The following RYR3 variants were observed in gnomAD, a reference collection of about 807,000 sequenced individuals.
The protein encoded by RYR3 is ryanodine receptor 3, also known as brain ryanodine receptor-calcium release channel.
In RYR3, 207 loss-of-function variants were observed where a neutral mutation model predicts 584.3. That is an observed-to-expected ratio of 0.35 (90% CI 0.32 to 0.40). The LOEUF is 0.40. Ranked by LOEUF, RYR3 falls within the 10% of genes least tolerant of loss-of-function variation. The pLI, the probability that RYR3 is intolerant of heterozygous loss-of-function variation, is 1.00. For missense variants in RYR3, 5,616 were observed against 6,089.2 expected, an observed-to-expected ratio of 0.92 and a Z score of 2.59; for synonymous variants, 2,416 against 2,248.5, an observed-to-expected ratio of 1.07 and a Z score of -2.11.
chr15:33,629,206 T>C (rs548916942), intron 21 of RYR3, among the ~76,000 whole-genome samples: 6 of 152,356 alleles, frequency 3.9e-5, no homozygotes, highest in Admixed American at 2.0e-4. Flanking sequence ...TCAGGGTCTG[T>C]CGTGTAGTAC....
intron 1 of RYR3, among the ~76,000 whole-genome samples, chr15:33,410,327 G>A (rs2043313648): frequency 6.6e-6 from 1 of 152,156 alleles, no homozygotes; most frequent in East Asian, 1.9e-4. Context: ...GCAGGCCCAA[G>A]GCTCCTTAAT....
intron 52 of RYR3, among the ~76,000 whole-genome samples, chr15:33,745,339 C>T (rs1201538510): frequency 5.3e-5 from 8 of 151,710 alleles, no homozygotes; most frequent in African/African-American, 1.5e-4. Flanking sequence ...AGCCTCTTCT[C>T]GGTGGTAACT....
intron 1 of RYR3, among the ~76,000 whole-genome samples, chr15:33,388,720 T>G (rs946520695): frequency 9.2e-5 from 14 of 152,232 alleles, no homozygotes; most frequent in African/African-American, 3.4e-4. Context: ...CTTTTAGAAT[T>G]CACCTATAGA....
chr15:33,722,942 C>G (rs2068057854), intron 44 of RYR3, 47 bp downstream of exon 44: 1 of 1,471,708 alleles, frequency 6.8e-7, no homozygotes, highest in African/African-American at 1.4e-5. Flanking sequence ...TTGGTGAGCT[C>G]TCAGATATTA....
chr15:33,769,811 T>G (rs1268321908), intron 62 of RYR3, among the ~76,000 whole-genome samples: 3 of 151,762 alleles, frequency 2.0e-5, no homozygotes, highest in African/African-American at 2.4e-5. Context: ...TAGCCAGGCA[T>G]GGTGGTGCAT....
chr15:33,342,797 C>A (rs1242220409), intron 1 of RYR3, among the ~76,000 whole-genome samples: 3 of 152,122 alleles, frequency 2.0e-5, no homozygotes, highest in Admixed American at 6.6e-5. Flanking sequence ...ATCTCAAAAC[C>A]ATTTCCAAAA....
intron 50 of RYR3, among the ~76,000 whole-genome samples, chr15:33,739,324 C>T (rs1228586909): frequency 6.6e-6 from 1 of 152,174 alleles, no homozygotes. Context: ...CTTCCCAACC[C>T]CATGCCATTT....
chr15:33,567,953 C>G (rs532160940), intron 12 of RYR3, among the ~76,000 whole-genome samples: 1 of 152,262 alleles, frequency 6.6e-6, no homozygotes, highest in African/African-American at 2.4e-5. Flanking sequence ...ACATCTTAAA[C>G]CAATTGCATC....
chr15:33,748,628 A>C (rs929035999), intron 55 of RYR3, 98 bp downstream of exon 55: 4 of 1,000,214 alleles, frequency 4.0e-6, no homozygotes, highest in Non-Finnish European at 6.1e-6. Flanking sequence ...TGCCTAGAAC[A>C]TATCACCACT....
chr15:33,775,043 A>C (rs927566061), intron 64 of RYR3, among the ~76,000 whole-genome samples: 1 of 152,024 alleles, frequency 6.6e-6, no homozygotes, highest in African/African-American at 2.4e-5. Flanking sequence ...AAAAAAAAAA[A>C]AGTCAAAAAG....
chr15:33,636,599 A>G, intron 27 of RYR3, 49 bp downstream of exon 27: 1 of 1,503,280 alleles, frequency 6.7e-7, no homozygotes, highest in Non-Finnish European at 8.9e-7. Flanking sequence ...GCTGGAGGAA[A>G]ATATAGGGAG....
intron 1 of RYR3, among the ~76,000 whole-genome samples, chr15:33,470,401 G>C (rs997876801): frequency 1.3e-5 from 2 of 151,816 alleles, no homozygotes; most frequent in African/African-American, 4.8e-5. Flanking sequence ...CTGAAAATAA[G>C]TTACCAGGAA....
chr15:33,721,141 G>A (rs916407954), intron 43 of RYR3, among the ~76,000 whole-genome samples: 1 of 152,196 alleles, frequency 6.6e-6, no homozygotes, highest in Admixed American at 6.5e-5. Context: ...TTCTGGATAA[G>A]TTGTTCTGTG....
chr15:33,665,244 C>T (rs1283264192), intron 36 of RYR3, among the ~76,000 whole-genome samples: 1 of 152,190 alleles, frequency 6.6e-6, no homozygotes, highest in African/African-American at 2.4e-5. Flanking sequence ...ACTGGCTCCC[C>T]CATTGCTCGC....
rs182158633 is a variant in RYR3 at position 33,586,677 on chromosome 15, C to T, written c.1788+561C>T. Among the ~76,000 whole-genome samples, 3 of 152,282 alleles carry T rather than the reference C, an allele frequency of 2.0e-5. No homozygotes were observed. The East Asian group carries it at 5.8e-4, about 29-fold the overall frequency. On this transcript the variant is annotated intron_variant, in intron 16 of 103. Transcript: ENST00000634891. ...ATATGAGCTGGGGCCTCAGTTATGT[C>T]ATCTGTAAAATGGTGACAAGGGCAT...
intron 86 of RYR3, among the ~76,000 whole-genome samples, chr15:33,834,325 G>C (rs145919670): frequency 0.084 from 5,921 of 70,316 alleles, 146 homozygotes; most frequent in East Asian, 0.13. Context: ...CACACACACA[G>C]TGAGATTAAC....
chr15:33,567,376 T>C (rs1266562777), intron 12 of RYR3, among the ~76,000 whole-genome samples: 1 of 152,182 alleles, frequency 6.6e-6, no homozygotes, highest in African/African-American at 2.4e-5. Flanking sequence ...ACTGATTCTG[T>C]TGTGAACTGT....
intron 1 of RYR3, among the ~76,000 whole-genome samples, chr15:33,403,935 A>C (rs1336886263): frequency 7.1e-6 from 1 of 140,814 alleles, no homozygotes; most frequent in Non-Finnish European, 1.5e-5. Context: ...ATTTTAGAGG[A>C]GTGGTAAAAA....
intron 87 of RYR3, 119 bp from the exon 88 acceptor site, chr15:33,836,787 C>A: frequency 1.5e-6 from 1 of 677,772 alleles, no homozygotes; most frequent in Non-Finnish European, 2.5e-6. Context: ...GAAGGAAGCT[C>A]TTTCCCGACA....
Sources: allele counts gnomAD v4.1 joint callset (sites outside exome capture counted in the v4.1 genomes callset), GRCh38; gene constraint gnomAD v4.1.1; transcripts MANE v1.5; gene names NCBI Gene and HGNC (gene_info 2026-07-23, HGNC 2026-07-21).